The following ASPM variants were observed in gnomAD, a reference collection of about 807,000 sequenced individuals.
ASPM encodes assembly factor for spindle microtubules.
A neutral mutation model predicts 366.4 loss-of-function variants in ASPM; 256 were observed. The observed-to-expected ratio is 0.70, with a 90% CI of 0.63 to 0.77. The LOEUF (loss-of-function observed/expected upper bound fraction) is 0.77. Among genes scored for constraint, ASPM ranks in the 30% least tolerant of loss-of-function variants. ASPM has a pLI of 0.00. For synonymous variants in ASPM, 1,414 were observed against 1,342.9 expected, an observed-to-expected ratio of 1.05 and a Z score of -1.16; for missense variants, 4,146 against 4,090.4, an observed-to-expected ratio of 1.01 and a Z score of -0.37.
chr1:197,113,634 A>G (rs982210648), intron 17 of ASPM, among the ~76,000 whole-genome samples: 1 of 152,132 alleles, frequency 6.6e-6, no homozygotes, highest in Admixed American at 6.6e-5. Flanking sequence ...TATAATACAC[A>G]AAAAATACTA....
intron 10 of ASPM, among the ~76,000 whole-genome samples, chr1:197,126,591 A>G (rs1419512454): frequency 2.0e-5 from 3 of 152,192 alleles, no homozygotes; most frequent in Non-Finnish European, 4.4e-5. Flanking sequence ...GGTAGCTTGA[A>G]TTTATTAAAT....
chr1:197,093,014 T>C (rs755435140), intron 21 of ASPM, 38 bp downstream of exon 21: 17 of 1,531,682 alleles, frequency 1.1e-5, no homozygotes, highest in Non-Finnish European at 1.3e-5. Context: ...AGTGCTTTCA[T>C]TTTATAAGAA....
At chr1:197,122,120 A>ATT in intron 15 of ASPM, 39 bp downstream of exon 15, 4 of 1,595,724 alleles carry the variant, frequency 2.5e-6, no homozygotes, top group African/African-American at 1.3e-5. Context: ...CTGAGACTTT[A>ATT]TTATTGAATT....
In ASPM at chr1:197,102,289, GA is replaced by G; in HGVS notation, c.6961del (p.Ser2321HisfsTer6). The G allele has an allele frequency of 6.2e-7, 1 of 1,612,704 alleles. No homozygotes were observed. The highest frequency in any genetic ancestry group is 8.5e-7 in the Non-Finnish European group (1 of 1,179,250). ...VQNAVIKIQS[S>X]YRRWMIRKRM... ...TTTCCTTATCATCCATCTTCTGTATGATGACTGGATTTTAATAACTGCATTT... is the reference window on the plus strand; with the variant it reads ...TTTCCTTATCATCCATCTTCTGTATGTGACTGGATTTTAATAACTGCATTT... On this transcript the variant is annotated frameshift_variant, in exon 18 of 28. Coordinates refer to ENST00000367409, the MANE Select transcript of ASPM (RefSeq NM_018136.5). LOFTEE classifies it high-confidence loss of function.
chr1:197,111,675 C>T (rs1391686459), intron 17 of ASPM, among the ~76,000 whole-genome samples: 2 of 152,038 alleles, frequency 1.3e-5, no homozygotes, highest in Admixed American at 6.6e-5. Context: ...TGGAATCAAC[C>T]AAGACGTCCA....
chr1:197,094,023 A>T (rs1161779422), intron 20 of ASPM, 61 bp downstream of exon 20: 2 of 1,119,828 alleles, frequency 1.8e-6, no homozygotes, highest in Non-Finnish European at 2.6e-6. Context: ...AATACAAAAC[A>T]TTCTTTGTTT....
intron 18 of ASPM, among the ~76,000 whole-genome samples, chr1:197,097,323 C>T (rs1387469197): frequency 6.6e-6 from 1 of 151,710 alleles, no homozygotes; most frequent in Non-Finnish European, 1.5e-5. Flanking sequence ...AATACGCTTC[C>T]CCCTGCACAG....
rs977060104 is a variant in ASPM at position 197,146,538 on chromosome 1, G to A, written c.-101C>T. The A allele has an allele frequency of 7.5e-7, 1 of 1,325,322 alleles. No individual in the cohort carries two copies. The allele number at this position is 1,325,322 out of a possible 1,614,324, so 82.1% of individuals were successfully genotyped here. A position where few individuals can be genotyped will look rare whatever the true frequency, so the allele number is the denominator to read the frequency against. ...ACGCTGACCGCTTCCCCTCAGGGGCGGCTGTAGAGGTCGTGGGAGTGAATT... is the reference window on the plus strand; with the variant it reads ...ACGCTGACCGCTTCCCCTCAGGGGCAGCTGTAGAGGTCGTGGGAGTGAATT... On this transcript the variant is annotated 5_prime_UTR_variant, in exon 1 of 28. Transcript: ENST00000367409.
chr1:197,086,225 C>T (rs540262014), intron 27 of ASPM, among the ~76,000 whole-genome samples: 10 of 147,346 alleles, frequency 6.8e-5, no homozygotes, highest in African/African-American at 2.5e-4. Context: ...TGCTAAGTCT[C>T]AAGAAGGAAA....
At chr1:197,087,440 T>C (rs1323887975) in intron 26 of ASPM, among the ~76,000 whole-genome samples, 2 of 152,186 alleles carry the variant, frequency 1.3e-5, no homozygotes, top group Non-Finnish European at 2.9e-5. Context: ...GTAGATTGAT[T>C]TAAATTACGA....
chr1:197,144,124 A>T, intron 1 of ASPM, 24 bp from the exon 2 acceptor site: 1 of 1,485,650 alleles, frequency 6.7e-7, no homozygotes, highest in Non-Finnish European at 9.4e-7. Flanking sequence ...AATACATTAT[A>T]TAATTACAAT....
chr1:197,141,000 CTA>C (rs1406195119), intron 3 of ASPM, among the ~76,000 whole-genome samples: 1 of 152,024 alleles, frequency 6.6e-6, no homozygotes, highest in Admixed American at 6.5e-5. Flanking sequence ...AGCAAATAAC[CTA>C]TTGGAATAGC....
At position 197,093,293 on chromosome 1, in the gene ASPM, G is replaced by A. The variant is rs559338342; in HGVS notation, c.9085-32C>T. ...GGAAAAATTTACAAGTAACATTAAT[G>A]GGTAGAAAGAAAAAGATTTCCAACC... On this transcript the variant is annotated intron_variant, in intron 20 of 27. Transcript: ENST00000367409. 2.0e-5 allele frequency: 31 copies of A among 1,552,128 alleles called. No individual in the cohort carries two copies. The African/African-American group carries it at 3.9e-4, about 20-fold the overall frequency.
At chr1:197,096,307 T>C (rs900874623) in intron 18 of ASPM, 143 bp from the exon 19 acceptor site, 2 of 733,064 alleles carry the variant, frequency 2.7e-6, no homozygotes, top group Non-Finnish European at 4.6e-6. Context: ...TCTTTTAGAC[T>C]TTGACATGTA....
intron 27 of ASPM, among the ~76,000 whole-genome samples, chr1:197,086,118 T>C (rs1656580867): frequency 6.6e-6 from 1 of 152,126 alleles, no homozygotes; most frequent in Admixed American, 6.6e-5. Flanking sequence ...CAGTTTATAA[T>C]TATGAGTATA....
Position 197,143,762 on chromosome 1 carries a change from T to A in ASPM, c.490A>T (p.Ser164Cys). 1 of 1,612,530 alleles carries A rather than the reference T, an allele frequency of 6.2e-7. No individual in the cohort carries two copies. Among genetic ancestry groups the A allele is most frequent in the Non-Finnish European group, 8.5e-7 (1 of 1,179,596 alleles). The change falls in exon 3 of 28, where the codon AGT becomes TGT. Residue 164 changes from serine to cysteine, a missense_variant. Transcript: ENST00000367409. ...IKKKKISASTSHNRRVSNIQN... is the reference protein window; with the variant it reads ...IKKKKISASTCHNRRVSNIQN... ...ATATTTGAAACCCTTCTGTTGTGAC[T>A]TGTAGAGGCTGAAATTTTCTTCTTT...
rs1418539413 is a variant in ASPM at position 197,122,603 on chromosome 1, A to T, written c.3391-8T>A. 5.0e-6 allele frequency: 8 copies of T among 1,586,758 alleles called. No individual in the cohort carries two copies. In the Admixed American group the frequency reaches 1.4e-4, roughly 28 times the overall value. On this transcript the variant is annotated splice_region_variant and splice_polypyrimidine_tract_variant and intron_variant, in intron 13 of 27. Coordinates refer to ENST00000367409, the MANE Select transcript of ASPM (RefSeq NM_018136.5). ...CACTGTAAAATTCTCCACCTGATTG[A>T]AAATGCCAGAAAAACAATTAACCGC...
Position 197,135,168 on chromosome 1 carries a change from G to C in ASPM, c.2101C>G (p.Gln701Glu). 1 of 1,613,490 alleles carries C rather than the reference G, an allele frequency of 6.2e-7. No individual in the cohort carries two copies. Among genetic ancestry groups the C allele is most frequent in the Non-Finnish European group, 8.5e-7 (1 of 1,179,472 alleles). Residue 701 changes from glutamine to glutamate, a missense_variant, in exon 5 of 28, where the codon CAG becomes GAG. Gln to Glu is a conservative substitution (Grantham distance 29, BLOSUM62 2). Around this residue, in one of 3 missense-constraint regions of ASPM, gnomAD observed 3,624 missense variants for 3,591.7 expected, o/e 1.01. Coordinates refer to ENST00000367409, the MANE Select transcript of ASPM (RefSeq NM_018136.5). ...YDERWKEKQE[Q>E]GFTWWLNFIL... is the part of the protein sequence containing the mutation. Reference sequence around the variant, plus strand: ...AAATTTAACCACCAAGTGAAGCCCTGTTCCTGCTTTTCCTTCCAGCGTTCA... The same window carrying C: ...AAATTTAACCACCAAGTGAAGCCCTCTTCCTGCTTTTCCTTCCAGCGTTCA...
chr1:197,084,561 G>C (rs1656529987), intron 27 of ASPM, 135 bp from the exon 28 acceptor site: 1 of 668,356 alleles, frequency 1.5e-6, no homozygotes, highest in Admixed American at 2.5e-5. Context: ...AAAGAGGTGG[G>C]AGAACTTCAT....
Sources: allele counts gnomAD v4.1 joint callset (sites outside exome capture counted in the v4.1 genomes callset), GRCh38; gene constraint gnomAD v4.1.1; regional missense constraint gnomAD v4.1.1; transcripts MANE v1.5; gene names NCBI Gene and HGNC (gene_info 2026-07-23, HGNC 2026-07-21).